Variants in ELFN2 observed in about 807,000 individuals in gnomAD.
The protein encoded by ELFN2 is extracellular leucine rich repeat and fibronectin type III domain containing 2, also known as protein phosphatase 1 regulatory subunit 29.
A neutral mutation model predicts 45.5 loss-of-function variants in ELFN2; 17 were observed. That is an observed-to-expected ratio of 0.37 (90% CI 0.26 to 0.56). ELFN2 has a LOEUF of 0.56. Ranked by LOEUF, ELFN2 falls within the 20% of genes least tolerant of loss-of-function variation. The pLI is 0.77. For missense variants in ELFN2, 922 were observed against 1,183.2 expected (o/e 0.78, Z 3.24); for synonymous variants, 550 against 551.5 (o/e 1.00, Z 0.04).
At chr22:37,422,443 A>G (rs1203322890) in intron 1 of ELFN2, among the ~76,000 whole-genome samples, 1 of 152,002 alleles carries the variant, frequency 6.6e-6, no homozygotes, top group Non-Finnish European at 1.5e-5. Context: ...ACAGTGGCTC[A>G]CGCCTGCAAT....
Position 37,375,133 on chromosome 22 carries a change from G to T in ELFN2, c.402C>A (p.Val134=). Residue 134 remains valine (V), a synonymous_variant, in exon 3 of 3, where the codon GTC becomes GTA. Coordinates refer to ENST00000402918, the MANE Select transcript of ELFN2 (RefSeq NM_052906.5). ...TCACCACCTCGATGAGGTTGTGCTG[G>T]ACAAAGAGGAACTGCAGGCGGCTCA... is the stretch of plus-strand genomic sequence containing the variant. ...RGMSRLQFLF[V]QHNLIEVVTP... 1 of 1,613,898 alleles carries T rather than the reference G, an allele frequency of 6.2e-7. No individual in the cohort carries two copies. Among genetic ancestry groups the T allele is most frequent in the South Asian group, 1.1e-5 (1 of 91,070 alleles).
intron 1 of ELFN2, among the ~76,000 whole-genome samples, chr22:37,358,560 C>A (rs1447511658): frequency 1.3e-5 from 2 of 152,238 alleles, no homozygotes; most frequent in Non-Finnish European, 2.9e-5. Flanking sequence ...AAAGGAGGAT[C>A]ATTCTTCTCG....
chr22:37,351,920 G>A lies in ELFN2; in HGVS notation n.149-9217C>T, dbSNP rs914639489. Among the ~76,000 whole-genome samples the A allele has an allele frequency of 9.9e-5, 15 of 151,166 alleles. No homozygotes were observed. The East Asian group carries it at 1.9e-3, about 19-fold the overall frequency. Reference sequence around the variant, plus strand: ...ATTCTCTCCTTCCTGTTCTGTTGCAGGAGCTGCCTCACTCATCTTTGCGCC... The same window carrying A: ...ATTCTCTCCTTCCTGTTCTGTTGCAAGAGCTGCCTCACTCATCTTTGCGCC... On this transcript the variant is annotated intron_variant and non_coding_transcript_variant, in intron 1 of 2. Transcript: ENST00000452946.
chr22:37,415,602 A>G (rs1277863680), intron 2 of ELFN2, among the ~76,000 whole-genome samples: 1 of 152,228 alleles, frequency 6.6e-6, no homozygotes, highest in Non-Finnish European at 1.5e-5. Context: ...GTACGATGCC[A>G]CAGAACTCTA....
At chr22:37,378,715 G>A (rs571433519) in intron 2 of ELFN2, among the ~76,000 whole-genome samples, 2 of 152,374 alleles carry the variant, frequency 1.3e-5, no homozygotes, top group South Asian at 2.1e-4. Flanking sequence ...GAGTTGGGAG[G>A]AGGCTCCCAT....
At chr22:37,355,355 G>A (rs1019883818) in intron 1 of ELFN2, among the ~76,000 whole-genome samples, 10 of 152,208 alleles carry the variant, frequency 6.6e-5, no homozygotes, top group Non-Finnish European at 1.0e-4. Flanking sequence ...GGCCGGGCCC[G>A]AGGCCACCTG....
At chr22:37,360,169 A>G (rs1360750972) in intron 1 of ELFN2, among the ~76,000 whole-genome samples, 1 of 149,784 alleles carries the variant, frequency 6.7e-6, no homozygotes, top group African/African-American at 2.5e-5. Context: ...TCCCACCTCA[A>G]CCACACTCCC....
Position 37,370,975 on chromosome 22 carries a change from G to A in ELFN2, c.*2097C>T, listed in dbSNP as rs1261499135. ...GCCAAGGGGGTGTGAGGAGGGGTTG[G>A]GGGGCAGGTTTTGGGGGCCGGGGGA... On this transcript the variant is annotated 3_prime_UTR_variant, in exon 3 of 3. Coordinates refer to ENST00000402918, the MANE Select transcript of ELFN2 (RefSeq NM_052906.5). The A allele has an allele frequency of 2.6e-5, 4 of 151,646 alleles. No individual in the cohort carries two copies. The highest frequency in any genetic ancestry group is 5.9e-5 in the Non-Finnish European group (4 of 67,810). The allele number at this position is 151,646 out of a possible 1,614,324, so 9.4% of individuals were successfully genotyped here.
At chr22:37,395,659 G>A (rs1231741871) in intron 2 of ELFN2, among the ~76,000 whole-genome samples, 1 of 152,164 alleles carries the variant, frequency 6.6e-6, no homozygotes, top group Non-Finnish European at 1.5e-5. Flanking sequence ...CTCACCCACG[G>A]GGGGCAGGGG....
At chr22:37,362,842 C>T (rs1931121716) in intron 1 of ELFN2, among the ~76,000 whole-genome samples, 1 of 152,194 alleles carries the variant, frequency 6.6e-6, no homozygotes, top group African/African-American at 2.4e-5. Flanking sequence ...AGCTGCAGGA[C>T]AGATGTTTGG....
intron 2 of ELFN2, among the ~76,000 whole-genome samples, chr22:37,416,422 C>A (rs915179192): frequency 6.6e-6 from 1 of 152,292 alleles, no homozygotes; most frequent in East Asian, 1.9e-4. Flanking sequence ...CCCCAGAGAA[C>A]GGCACTGGGT....
chr22:37,381,742 A>T (rs1190868154), intron 2 of ELFN2, among the ~76,000 whole-genome samples: 2 of 152,006 alleles, frequency 1.3e-5, no homozygotes, highest in Non-Finnish European at 2.9e-5. Context: ...ACAGGGTCAG[A>T]CGTACAGCGG....
At chr22:37,363,389 A>AGTT (rs1351744945), downstream of ELFN2, among the ~76,000 whole-genome samples, 9 of 152,140 alleles carry the variant, frequency 5.9e-5, no homozygotes, top group African/African-American at 2.2e-4. Context: ...AGATTCTGGG[A>AGTT]GTTATCTAAA....
intron 1 of ELFN2, among the ~76,000 whole-genome samples, chr22:37,347,627 G>A (rs564699916): frequency 7.0e-6 from 1 of 143,832 alleles, no homozygotes; most frequent in South Asian, 2.3e-4. Flanking sequence ...GATTGTATAG[G>A]TGGTGGGTGG....
exon 3 of ELFN2, chr22:37,340,645 G>A (rs185988400): frequency 9.6e-4 from 147 of 152,362 alleles, no homozygotes; most frequent in Admixed American, 1.8e-3. Flanking sequence ...AGCAGGGAGC[G>A]GGGAGGCTGC....
At chr22:37,362,242 G>T (rs556625932) in intron 1 of ELFN2, among the ~76,000 whole-genome samples, 2 of 152,312 alleles carry the variant, frequency 1.3e-5, no homozygotes, top group Non-Finnish European at 2.9e-5. Context: ...TATGCCCTGT[G>T]GCAGGGACCC....
At chr22:37,411,055 G>A (rs1932637022) in intron 2 of ELFN2, among the ~76,000 whole-genome samples, 1 of 152,202 alleles carries the variant, frequency 6.6e-6, no homozygotes, top group African/African-American at 2.4e-5. Flanking sequence ...CTGACTGCAC[G>A]CCAGGCGTAG....
At chr22:37,403,258 G>C (rs73412275) in intron 2 of ELFN2, among the ~76,000 whole-genome samples, 2,504 of 149,666 alleles carry the variant, frequency 0.017, 75 homozygotes, top group African/African-American at 0.059. Flanking sequence ...CAGCACTGCA[G>C]GGACTTGCCC....
At chr22:37,399,578 A>G (rs1209255742) in intron 2 of ELFN2, among the ~76,000 whole-genome samples, 1 of 115,062 alleles carries the variant, frequency 8.7e-6, no homozygotes, top group Non-Finnish European at 1.8e-5. Context: ...TCCCACCTCC[A>G]CCGACCACGG....
Sources: gnomAD v4.1 joint callset for allele counts (sites outside exome capture counted in the v4.1 genomes callset) on GRCh38, gnomAD v4.1.1 for gene constraint, MANE v1.5 for transcripts, NCBI Gene and HGNC (gene_info 2026-07-23, HGNC 2026-07-21) for gene names.